Variants in CNOT6L observed in about 807,000 individuals in gnomAD.
CNOT6L encodes the protein CCR4-NOT transcription complex subunit 6-like.
Under a neutral mutation model 64.0 loss-of-function variants are expected in CNOT6L, and 7 were observed. That is an observed-to-expected ratio of 0.11 (90% CI 0.06 to 0.21). CNOT6L has a LOEUF of 0.21. CNOT6L is among the 10% of genes least tolerant of loss of function. The pLI, the probability that CNOT6L is intolerant of heterozygous loss-of-function variation, is 1.00. For missense variants in CNOT6L, 245 were observed against 669.0 expected (o/e 0.37, Z 6.99); for synonymous variants, 193 against 243.4 (o/e 0.79, Z 1.93).
upstream of CNOT6L, chr4:77,819,473 T>C (rs1734052296): frequency 7.3e-7 from 1 of 1,360,692 alleles, no homozygotes; most frequent in Non-Finnish European, 9.9e-7. Context: ...CGGGCCTCGC[T>C]CCCGCCCGCC....
chr4:77,792,426 T>C (rs1416565851), intron 1 of CNOT6L, among the ~76,000 whole-genome samples: 1 of 151,910 alleles, frequency 6.6e-6, no homozygotes, highest in Non-Finnish European at 1.5e-5. Flanking sequence ...ATGAGAAAAA[T>C]ATATTAAGTA....
At chr4:77,786,761 G>A (rs963813737) in intron 1 of CNOT6L, among the ~76,000 whole-genome samples, 3 of 151,760 alleles carry the variant, frequency 2.0e-5, no homozygotes, top group Non-Finnish European at 4.4e-5. Context: ...ACAGGTGTGA[G>A]CCAAGGCCTG....
Position 77,717,084 on chromosome 4 carries a change from A to C in CNOT6L, c.*3347T>G, listed in dbSNP as rs1720823987. ...ATCTGGAACAGATTTACTATATCTG[A>C]ATTCTAAAAAGTTGCCTATAGAATG... On this transcript the variant is annotated 3_prime_UTR_variant, in exon 12 of 12. Transcript: ENST00000504123. 6.6e-6 allele frequency: 1 copy of C among 152,542 alleles called. No homozygotes were observed. The highest frequency in any genetic ancestry group is 2.1e-4 in the South Asian group (1 of 4,832). The allele number at this position is 152,542 out of a possible 1,614,324, so 9.4% of individuals were successfully genotyped here. A position where few individuals can be genotyped will look rare whatever the true frequency, so the allele number is the denominator to read the frequency against.
At position 77,760,576 on chromosome 4, in the gene CNOT6L, T is replaced by TA. The variant is rs879322697; in HGVS notation, c.401-3626dup. 1.8e-3 allele frequency among the ~76,000 whole-genome samples: 268 copies of TA among 146,144 alleles called. 1 individual carries two copies. In the East Asian group the frequency reaches 0.023, roughly 13 times the overall value. ...AAATAAGAGCAGAAATCAATAAAAT[T>TA]AAAAAAAAAAATACCGAATTCAAAG... On this transcript the variant is annotated intron_variant, in intron 4 of 11. Coordinates refer to ENST00000504123, the MANE Select transcript of CNOT6L (RefSeq NM_144571.3).
At chr4:77,728,547 T>A (rs553714143) in intron 10 of CNOT6L, among the ~76,000 whole-genome samples, 53 of 152,338 alleles carry the variant, frequency 3.5e-4, no homozygotes, top group African/African-American at 1.3e-3. Flanking sequence ...ACTGTATTTT[T>A]TCCAAGTTCT....
intron 6 of CNOT6L, among the ~76,000 whole-genome samples, chr4:77,748,092 C>T (rs1018229901): frequency 6.6e-6 from 1 of 151,818 alleles, no homozygotes; most frequent in Non-Finnish European, 1.5e-5. Flanking sequence ...AGCTGTATTA[C>T]AGAAATAATT....
At chr4:77,728,362 C>A (rs975146272) in intron 10 of CNOT6L, among the ~76,000 whole-genome samples, 1 of 152,218 alleles carries the variant, frequency 6.6e-6, no homozygotes. Context: ...AATCCCTCCC[C>A]GCTCTAGCTT....
At chr4:77,746,379 C>G (rs1724200258) in intron 6 of CNOT6L, among the ~76,000 whole-genome samples, 1 of 152,094 alleles carries the variant, frequency 6.6e-6, no homozygotes, top group African/African-American at 2.4e-5. Flanking sequence ...TATAGTTTAT[C>G]ATGTTTTTAA....
chr4:77,752,965 A>G (rs1560589294), intron 5 of CNOT6L, among the ~76,000 whole-genome samples: 2 of 151,860 alleles, frequency 1.3e-5, no homozygotes, highest in African/African-American at 4.8e-5. Flanking sequence ...TCATCTGCAT[A>G]AATTAATATC....
At chr4:77,757,461 A>G (rs932291229) in intron 4 of CNOT6L, among the ~76,000 whole-genome samples, 1 of 152,232 alleles carries the variant, frequency 6.6e-6, no homozygotes, top group Non-Finnish European at 1.5e-5. Context: ...GAATTTTGTT[A>G]TAACAGTAAT....
rs182738502 is a variant in CNOT6L at position 77,760,658 on chromosome 4, C to T, written c.401-3707G>A. Among the ~76,000 whole-genome samples the T allele has an allele frequency of 6.7e-5, 10 of 149,774 alleles. No homozygotes were observed. In the East Asian group the frequency reaches 9.8e-4, roughly 15 times the overall value. On this transcript the variant is annotated intron_variant, in intron 4 of 11. Coordinates refer to ENST00000504123, the MANE Select transcript of CNOT6L (RefSeq NM_144571.3). ...CTGATACATTTCTCTTTGACCAGAA[C>T]GAAAAGACACAAATTATAAATATCA...
Position 77,715,906 on chromosome 4 carries a change from A to T in CNOT6L, c.*4525T>A, listed in dbSNP as rs1720702601. 6.6e-6 allele frequency: 1 copy of T among 152,574 alleles called. No individual in the cohort carries two copies. The highest frequency in any genetic ancestry group is 1.5e-5 in the Non-Finnish European group (1 of 68,000). The allele number at this position is 152,574 out of a possible 1,614,324, so 9.5% of individuals were successfully genotyped here. Reference sequence around the variant, plus strand: ...AAAGATGTACTAAAATGTTTGAATTAATTTTGGTGATCATGATGCTATTAC... The same window carrying T: ...AAAGATGTACTAAAATGTTTGAATTTATTTTGGTGATCATGATGCTATTAC... On this transcript the variant is annotated 3_prime_UTR_variant, in exon 12 of 12. Coordinates refer to ENST00000504123, the MANE Select transcript of CNOT6L (RefSeq NM_144571.3).
At chr4:77,795,337 A>G (rs1202402685) in intron 1 of CNOT6L, among the ~76,000 whole-genome samples, 2 of 152,160 alleles carry the variant, frequency 1.3e-5, no homozygotes, top group African/African-American at 2.4e-5. Context: ...TTTTTAAAGT[A>G]TCATTTACAA....
rs200590761 is a variant in CNOT6L at position 77,720,552 on chromosome 4, T to C, written c.1547A>G (p.Asn516Ser). ...PLDPQWLVEN[N>S]ITGCPHPHIP... Reference sequence around the variant, plus strand: ...GTGAGGGTGTGGACACCCAGTGATGTTGTTCTCAACCAGCCATTGAGGATC... The same window carrying C: ...GTGAGGGTGTGGACACCCAGTGATGCTGTTCTCAACCAGCCATTGAGGATC... The change falls in exon 12 of 12, where the codon AAC becomes AGC. Residue 516 changes from asparagine (N) to serine (S), a missense_variant. By Grantham distance (46) the Asn-to-Ser change is conservative. This residue lies in a region of CNOT6L where 20 missense variants were observed against 26.4 expected (regional missense o/e 0.76). Coordinates refer to ENST00000504123, the MANE Select transcript of CNOT6L (RefSeq NM_144571.3). 3.2e-4 allele frequency: 515 copies of C among 1,613,460 alleles called. No individual in the cohort carries two copies. Among genetic ancestry groups the C allele is most frequent in the Non-Finnish European group, 4.0e-4 (469 of 1,179,480 alleles).
intron 1 of CNOT6L, among the ~76,000 whole-genome samples, chr4:77,803,240 A>G (rs1731804797): frequency 6.6e-6 from 1 of 152,160 alleles, no homozygotes; most frequent in Non-Finnish European, 1.5e-5. Flanking sequence ...AATTATCTCC[A>G]CTATAATTAA....
intron 11 of CNOT6L, among the ~76,000 whole-genome samples, chr4:77,724,696 T>G (rs1721644682): frequency 6.6e-6 from 1 of 151,564 alleles, no homozygotes; most frequent in African/African-American, 2.4e-5. Flanking sequence ...TCTTTTTACC[T>G]ACACACATAC....
chr4:77,795,960 T>A (rs899566274), intron 1 of CNOT6L, among the ~76,000 whole-genome samples: 11 of 152,348 alleles, frequency 7.2e-5, no homozygotes, highest in South Asian at 2.1e-4. Context: ...GGTTTTTTTT[T>A]ATTCATTGAA....
chr4:77,754,998 T>C (rs1725356995), intron 5 of CNOT6L, among the ~76,000 whole-genome samples: 1 of 137,462 alleles, frequency 7.3e-6, no homozygotes, highest in Non-Finnish European at 1.6e-5. Flanking sequence ...AGCGGTACCA[T>C]AACAAAAAAG....
intron 3 of CNOT6L, 144 bp from the exon 4 acceptor site, chr4:77,773,310 T>C (rs1188838048): frequency 7.2e-6 from 4 of 555,774 alleles, no homozygotes; most frequent in African/African-American, 2.0e-5. Context: ...CCAAAAACAT[T>C]GCACAATATA....
Sources: gnomAD v4.1 joint callset for allele counts (sites outside exome capture counted in the v4.1 genomes callset) on GRCh38, gnomAD v4.1.1 for gene constraint, gnomAD v4.1.1 regional missense constraint, MANE v1.5 for transcripts, NCBI Gene and HGNC (gene_info 2026-07-23, HGNC 2026-07-21) for gene names.